Variants in RNLS observed in about 807,000 individuals in gnomAD.
The protein encoded by RNLS is renalase, FAD dependent amine oxidase, also known as renalase.
RNLS carries 39 observed loss-of-function variants against 39.8 expected under a neutral mutation model. That is an observed-to-expected ratio of 0.98 (90% CI 0.76 to 1.28). RNLS has a LOEUF of 1.28. RNLS is among the 50% of genes most tolerant of loss of function. The probability of loss-of-function intolerance (pLI) is 0.00; values close to 1 mark genes in which losing one functional copy is unlikely to be tolerated. For missense variants in RNLS, 410 were observed against 413.3 expected (o/e 0.99, Z 0.07); for synonymous variants, 147 against 150.7 (o/e 0.98, Z 0.18).
intron 4 of RNLS, among the ~76,000 whole-genome samples, chr10:88,466,958 C>T (rs1843245043): frequency 1.3e-5 from 2 of 152,088 alleles, no homozygotes; most frequent in South Asian, 2.1e-4. Flanking sequence ...TATGACCAAG[C>T]CATAGCCTAG....
Position 88,488,335 on chromosome 10 carries a change from T to C in RNLS, c.526+84568A>G, listed in dbSNP as rs547160340. Among the ~76,000 whole-genome samples the C allele has an allele frequency of 1.2e-3, 182 of 151,996 alleles. 1 individual carries two copies. The highest frequency in any genetic ancestry group is 4.2e-3 in the African/African-American group (174 of 41,482). On this transcript the variant is annotated intron_variant, in intron 4 of 6. Transcript: ENST00000331772. Reference sequence around the variant, plus strand: ...GCCAAGGCAGGCAGATCACCTGAGGTTGGGAGTTCGAGATCAGCCTGACCA... The same window carrying C: ...GCCAAGGCAGGCAGATCACCTGAGGCTGGGAGTTCGAGATCAGCCTGACCA...
At chr10:88,457,947 G>A (rs753363170) in intron 4 of RNLS, among the ~76,000 whole-genome samples, 1 of 152,206 alleles carries the variant, frequency 6.6e-6, no homozygotes, top group Non-Finnish European at 1.5e-5. Flanking sequence ...AGCAATCAAT[G>A]TGCTGACCTT....
At chr10:88,205,386 C>T in the RNLS span, among the ~76,000 whole-genome samples, 5 of 152,130 alleles carry the variant, frequency 3.3e-5, no homozygotes, top group South Asian at 2.1e-4. Flanking sequence ...TCTCTGTGAA[C>T]GACACAGAGG....
At chr10:88,176,909 A>G in the RNLS span, among the ~76,000 whole-genome samples, 1 of 152,204 alleles carries the variant, frequency 6.6e-6, no homozygotes, top group African/African-American at 2.4e-5. Context: ...CACTTGGAAT[A>G]TATCATTTCA....
At chr10:88,397,646 T>G (rs946086376) in intron 4 of RNLS, among the ~76,000 whole-genome samples, 1 of 151,740 alleles carries the variant, frequency 6.6e-6, no homozygotes, top group Middle Eastern at 3.4e-3. Context: ...AAAATAGAGA[T>G]AGAAAACAGA....
intron 4 of RNLS, among the ~76,000 whole-genome samples, chr10:88,381,638 G>T (rs1198997839): frequency 1.3e-5 from 2 of 151,772 alleles, no homozygotes; most frequent in Non-Finnish European, 2.9e-5. Context: ...ATTACACTAG[G>T]TTTCTGTGAT....
intron 4 of RNLS, among the ~76,000 whole-genome samples, chr10:88,541,206 A>C (rs1460207122): frequency 1.3e-5 from 2 of 152,182 alleles, no homozygotes; most frequent in South Asian, 4.1e-4. Flanking sequence ...GAATTCTTTA[A>C]AAGTTTTCTA....
chr10:88,354,922 CT>C (rs1181096482), intron 5 of RNLS, among the ~76,000 whole-genome samples: 7 of 152,118 alleles, frequency 4.6e-5, no homozygotes, highest in Admixed American at 2.0e-4. Flanking sequence ...TCTATTTATT[CT>C]TTTTTCTCTA....
At chr10:88,424,998 C>A (rs1854649690) in intron 4 of RNLS, among the ~76,000 whole-genome samples, 1 of 152,110 alleles carries the variant, frequency 6.6e-6, no homozygotes, top group South Asian at 2.1e-4. Context: ...GCTCGTTTTT[C>A]ACACTGCTTT....
intron 4 of RNLS, among the ~76,000 whole-genome samples, chr10:88,416,328 A>G (rs1262821518): frequency 1.3e-5 from 2 of 151,678 alleles, no homozygotes; most frequent in Admixed American, 1.3e-4. Flanking sequence ...ATCTTGGCTC[A>G]CCGCAACCTC....
At chr10:88,496,339 G>T (rs1845174092) in intron 4 of RNLS, among the ~76,000 whole-genome samples, 1 of 152,106 alleles carries the variant, frequency 6.6e-6, no homozygotes, top group Non-Finnish European at 1.5e-5. Flanking sequence ...ATTTCCAAGA[G>T]AACTATTTAG....
intron 4 of RNLS, among the ~76,000 whole-genome samples, chr10:88,394,753 A>G (rs893172107): frequency 2.0e-5 from 3 of 152,224 alleles, no homozygotes; most frequent in African/African-American, 7.2e-5. Flanking sequence ...ACGTATGTTT[A>G]TAGCGGCACT....
intron 4 of RNLS, among the ~76,000 whole-genome samples, chr10:88,429,012 T>C (rs1854983379): frequency 6.6e-6 from 1 of 151,864 alleles, no homozygotes; most frequent in Non-Finnish European, 1.5e-5. Flanking sequence ...TATTCTGGTG[T>C]CTTAAAAGAG....
Position 88,564,568 on chromosome 10 carries a change from T to C in RNLS, c.526+8335A>G, listed in dbSNP as rs117614708. Reference sequence around the variant, plus strand: ...GGTAGAGAGGAAGATCAAGTACACATGGAAGAGCTATGCATAACAGTGGTT... The same window carrying C: ...GGTAGAGAGGAAGATCAAGTACACACGGAAGAGCTATGCATAACAGTGGTT... On this transcript the variant is annotated intron_variant, in intron 4 of 6. Coordinates refer to ENST00000331772, the MANE Select transcript of RNLS (RefSeq NM_001031709.3). Among the ~76,000 whole-genome samples the C allele has an allele frequency of 3.9e-5, 6 of 152,228 alleles. No individual in the cohort carries two copies. In the East Asian group the frequency reaches 1.2e-3, roughly 29 times the overall value.
At chr10:88,537,598 A>G (rs1398259332) in intron 4 of RNLS, among the ~76,000 whole-genome samples, 1 of 152,214 alleles carries the variant, frequency 6.6e-6, no homozygotes, top group African/African-American at 2.4e-5. Flanking sequence ...AACTAAACAT[A>G]TAAGAGTACA....
At chr10:88,307,678 A>T (rs1845027718) in intron 6 of RNLS, among the ~76,000 whole-genome samples, 1 of 152,230 alleles carries the variant, frequency 6.6e-6, no homozygotes. Context: ...GAAGACAGAG[A>T]TGACACAAAC....
At chr10:88,275,625 A>G (rs1043766647) in intron 6 of RNLS, among the ~76,000 whole-genome samples, 4 of 152,242 alleles carry the variant, frequency 2.6e-5, no homozygotes, top group Non-Finnish European at 4.4e-5. Context: ...AATACTAAAA[A>G]TACAACCCTG....
At chr10:88,301,650 A>C (rs75353981) in intron 6 of RNLS, among the ~76,000 whole-genome samples, 2,179 of 152,320 alleles carry the variant, frequency 0.014, 22 homozygotes, top group Middle Eastern at 0.041. Context: ...TTAAAAACCA[A>C]CAACAACAAA....
intron 5 of RNLS, among the ~76,000 whole-genome samples, chr10:88,352,368 C>A (rs192006289): frequency 6.6e-6 from 1 of 152,240 alleles, no homozygotes; most frequent in African/African-American, 2.4e-5. Context: ...TTTTGAGATA[C>A]ATCCCATCAA....
Sources: gnomAD v4.1 joint callset for allele counts (sites outside exome capture counted in the v4.1 genomes callset) on GRCh38, gnomAD v4.1.1 for gene constraint, MANE v1.5 for transcripts, NCBI Gene and HGNC (gene_info 2026-07-23, HGNC 2026-07-21) for gene names.